Variants in SNX30 observed in about 807,000 individuals in gnomAD.
SNX30 encodes sorting nexin-30.
A neutral mutation model predicts 46.4 loss-of-function variants in SNX30; 24 were observed. That is an observed-to-expected ratio of 0.52 (90% confidence interval 0.37 to 0.73). The LOEUF is 0.73. SNX30 is among the 30% of genes least tolerant of loss of function. The pLI is 0.00. For missense variants in SNX30, 533 were observed against 555.7 expected, an observed-to-expected ratio of 0.96 and a Z score of 0.41; for synonymous variants, 189 against 211.5, an observed-to-expected ratio of 0.89 and a Z score of 0.92.
chr9:112,812,868 C>A (rs1048236073), intron 2 of SNX30, among the ~76,000 whole-genome samples: 1 of 152,190 alleles, frequency 6.6e-6, no homozygotes, highest in Non-Finnish European at 1.5e-5. Context: ...AACAACAGGC[C>A]GGGCATGGTG....
chr9:112,837,837 T>C (rs1162879780), intron 5 of SNX30, among the ~76,000 whole-genome samples: 3 of 151,724 alleles, frequency 2.0e-5, no homozygotes, highest in Admixed American at 1.3e-4. Context: ...TCTGCCTCCA[T>C]TGCCTGTTAA....
intron 8 of SNX30, among the ~76,000 whole-genome samples, chr9:112,867,500 A>G (rs1311691823): frequency 6.9e-6 from 1 of 145,874 alleles, no homozygotes; most frequent in Non-Finnish European, 1.5e-5. Flanking sequence ...CCTCCTCAGA[A>G]CTCCTCCTCC....
chr9:112,777,611 T>A (rs1290577849), intron 1 of SNX30, among the ~76,000 whole-genome samples: 9 of 131,592 alleles, frequency 6.8e-5, no homozygotes, highest in Admixed American at 4.6e-4. Context: ...TTTTTTTTTT[T>A]TTTTTTTTTT....
chr9:112,773,585 T>C (rs1839689212), intron 1 of SNX30, among the ~76,000 whole-genome samples: 1 of 152,142 alleles, frequency 6.6e-6, no homozygotes, highest in South Asian at 2.1e-4. Context: ...ACCTTAAATA[T>C]TCAGAAAGTA....
At chr9:112,759,751 A>T (rs1434959164) in intron 1 of SNX30, among the ~76,000 whole-genome samples, 1 of 150,974 alleles carries the variant, frequency 6.6e-6, no homozygotes, top group Non-Finnish European at 1.5e-5. Flanking sequence ...AAAGTTGTTC[A>T]TGCTGGAATC....
intron 3 of SNX30, among the ~76,000 whole-genome samples, chr9:112,828,034 G>A (rs1275786349): frequency 6.6e-6 from 1 of 152,212 alleles, no homozygotes; most frequent in South Asian, 2.1e-4. Context: ...AGGCAGGAGA[G>A]TAGGTGGACA....
chr9:112,836,522 C>T, intron 5 of SNX30, 113 bp downstream of exon 5: 1 of 1,149,492 alleles, frequency 8.7e-7, no homozygotes, highest in East Asian at 2.5e-5. Context: ...AGAACTAGGC[C>T]ATCTTTTGCT....
chr9:112,865,757 G>GTA (rs1554757386), intron 8 of SNX30, among the ~76,000 whole-genome samples: 7 of 146,334 alleles, frequency 4.8e-5, no homozygotes, highest in South Asian at 2.2e-4. Context: ...GTGTGTGTGT[G>GTA]TGTATGTATG....
At chr9:112,797,172 A>T (rs1840120218) in intron 1 of SNX30, among the ~76,000 whole-genome samples, 1 of 152,240 alleles carries the variant, frequency 6.6e-6, no homozygotes. Context: ...AGGCCTTCTT[A>T]GTTTCACAGC....
chr9:112,752,915 CAGG>C (rs1839298914), intron 1 of SNX30, among the ~76,000 whole-genome samples: 1 of 152,138 alleles, frequency 6.6e-6, no homozygotes, highest in Admixed American at 6.5e-5. Context: ...TGGCTGTTGG[CAGG>C]TCTTAGTTAC....
intron 1 of SNX30, among the ~76,000 whole-genome samples, chr9:112,766,740 A>G (rs1366390378): frequency 6.6e-6 from 1 of 152,134 alleles, no homozygotes; most frequent in East Asian, 1.9e-4. Flanking sequence ...GGCTTATTTC[A>G]CTTAGCATAA....
chr9:112,823,800 G>A (rs1440330840), intron 3 of SNX30, among the ~76,000 whole-genome samples: 1 of 151,818 alleles, frequency 6.6e-6, no homozygotes, highest in Non-Finnish European at 1.5e-5. Flanking sequence ...AAATATACCT[G>A]CGTTTAGCTT....
At chr9:112,814,075 C>A (rs1019532236) in intron 2 of SNX30, among the ~76,000 whole-genome samples, 2 of 152,052 alleles carry the variant, frequency 1.3e-5, no homozygotes, top group African/African-American at 4.8e-5. Flanking sequence ...TGGGGATGGC[C>A]TTCTTACTGA....
At chr9:112,841,941 T>C (rs1282859867) in intron 6 of SNX30, among the ~76,000 whole-genome samples, 3 of 152,344 alleles carry the variant, frequency 2.0e-5, no homozygotes, top group South Asian at 2.1e-4. Context: ...GGCCTGGCTG[T>C]GGCCTGTTCT....
chr9:112,822,545 T>G (rs1293578177), intron 3 of SNX30, among the ~76,000 whole-genome samples: 3 of 149,312 alleles, frequency 2.0e-5, no homozygotes, highest in African/African-American at 7.3e-5. Context: ...TGTTTTGTTT[T>G]TTTTTTTTGT....
chr9:112,880,047 G>C (rs892098574), exon 5 of SNX30: 7 of 432,298 alleles, frequency 1.6e-5, no homozygotes, highest in Non-Finnish European at 2.9e-5. Context: ...AGAATCTCTG[G>C]GGGCCAGGCA....
chr9:112,780,593 T>C (rs922331476), intron 1 of SNX30, among the ~76,000 whole-genome samples: 1 of 152,206 alleles, frequency 6.6e-6, no homozygotes, highest in South Asian at 2.1e-4. Flanking sequence ...TTGCTTTCTC[T>C]ATGTGGGCTC....
chr9:112,790,023 T>C (rs1839995307), intron 1 of SNX30, among the ~76,000 whole-genome samples: 1 of 152,174 alleles, frequency 6.6e-6, no homozygotes, highest in African/African-American at 2.4e-5. Flanking sequence ...TTAGAAACCA[T>C]AGGCTATGGG....
At chr9:112,829,618 G>A (rs1385539752) in intron 3 of SNX30, among the ~76,000 whole-genome samples, 1 of 152,172 alleles carries the variant, frequency 6.6e-6, no homozygotes. Flanking sequence ...TCTGTGAGTG[G>A]AATTGGTGAG....
Sources: allele counts gnomAD v4.1 joint callset (sites outside exome capture counted in the v4.1 genomes callset), GRCh38; gene constraint gnomAD v4.1.1; transcripts MANE v1.5; gene names NCBI Gene and HGNC (gene_info 2026-07-23, HGNC 2026-07-21).